The following CCDC171 variants were observed in gnomAD, a reference collection of about 807,000 sequenced individuals.
CCDC171 encodes the protein coiled-coil domain-containing protein 171.
In CCDC171, 177 loss-of-function variants were observed where a neutral mutation model predicts 168.2. That is an observed-to-expected ratio of 1.05 (90% CI 0.93 to 1.19). CCDC171 has a LOEUF of 1.19. Among genes scored for constraint, CCDC171 ranks in the 50% most tolerant of loss-of-function variants. The pLI, the probability that CCDC171 is intolerant of heterozygous loss-of-function variation, is 0.00. For synonymous variants in CCDC171, 687 were observed against 540.8 expected (o/e 1.27, Z -3.75); for missense variants, 1,991 against 1,539.0 (o/e 1.29, Z -4.91).
At chr9:16,019,103 T>C (rs567604609) in intron 3 of CCDC171, among the ~76,000 whole-genome samples, 2 of 152,330 alleles carry the variant, frequency 1.3e-5, no homozygotes, top group Admixed American at 6.5e-5. Context: ...AGTCCCTCTT[T>C]AAAGCCTTTG....
In CCDC171 at chr9:15,921,732, T is replaced by C. The variant is rs1825356599; in HGVS notation, c.3753+1310T>C. ...AATTTCTTAATGAGAGATTAGTAAATTTGACCTCCACCAAGAGAAATTAAA... is the reference window on the plus strand; with the variant it reads ...AATTTCTTAATGAGAGATTAGTAAACTTGACCTCCACCAAGAGAAATTAAA... On this transcript the variant is annotated intron_variant, in intron 25 of 25. Transcript: ENST00000380701. Among the ~76,000 whole-genome samples the C allele has an allele frequency of 2.0e-5, 3 of 151,628 alleles. No individual in the cohort carries two copies. In the South Asian group the frequency reaches 6.2e-4, roughly 31 times the overall value.
chr9:15,846,710 C>G lies in CCDC171; in HGVS notation c.3276C>G (p.Ser1092=). The G allele has an allele frequency of 6.2e-7, 1 of 1,612,642 alleles. No individual in the cohort carries two copies. The highest frequency in any genetic ancestry group is 8.5e-7 in the Non-Finnish European group (1 of 1,179,208). ...QTLGEAVKSL[S]EAKMELRRKD... is the part of the protein sequence containing the mutation. ...TTTCTGTCTGCTTGCAGAGTCTCTCCGAGGCAAAGATGGAGCTGAGAAGAA... is the reference window on the plus strand; with the variant it reads ...TTTCTGTCTGCTTGCAGAGTCTCTCGGAGGCAAAGATGGAGCTGAGAAGAA... Residue 1092 remains serine (S), a synonymous_variant, in exon 22 of 26, where the codon TCC becomes TCG. Coordinates refer to ENST00000380701, the MANE Select transcript of CCDC171 (RefSeq NM_173550.4).
intron 21 of CCDC171, among the ~76,000 whole-genome samples, chr9:15,834,054 T>C (rs1455836808): frequency 1.3e-5 from 2 of 152,146 alleles, no homozygotes; most frequent in Non-Finnish European, 2.9e-5. Flanking sequence ...ATGAAAATAC[T>C]TGTTGTTTCA....
intron 8 of CCDC171, among the ~76,000 whole-genome samples, chr9:15,663,585 CAT>C (rs1393729717): frequency 1.3e-5 from 2 of 149,222 alleles, no homozygotes; most frequent in Non-Finnish European, 3.0e-5. Flanking sequence ...TGGAGAACTA[CAT>C]AGAGAATTTT....
intron 7 of CCDC171, among the ~76,000 whole-genome samples, chr9:15,644,929 C>G (rs1190456580): frequency 6.6e-6 from 1 of 152,198 alleles, no homozygotes; most frequent in Admixed American, 6.5e-5. Context: ...GATCTGAGAA[C>G]AAACACACTA....
chr9:15,702,883 A>C lies in CCDC171; in HGVS notation c.1318+7546A>C, dbSNP rs539541287. ...CACCTCTCTCAGCCTTCATCAAATT[A>C]AAGAGAGTTAGGGCCTTGGTTTTTT... On this transcript the variant is annotated intron_variant, in intron 11 of 25. Transcript: ENST00000380701. 4.7e-5 allele frequency among the ~76,000 whole-genome samples: 7 copies of C among 149,308 alleles called. No homozygotes were observed. In the South Asian group the frequency reaches 1.5e-3, roughly 32 times the overall value.
chr9:16,100,373 A>T, the CCDC171 span, among the ~76,000 whole-genome samples: 1 of 152,280 alleles, frequency 6.6e-6, no homozygotes, highest in Admixed American at 6.5e-5. Flanking sequence ...TCAGGCAGCT[A>T]CCTCAGGCCT....
At chr9:15,839,522 A>G (rs550032228) in intron 21 of CCDC171, among the ~76,000 whole-genome samples, 2 of 152,292 alleles carry the variant, frequency 1.3e-5, no homozygotes, top group African/African-American at 2.4e-5. Flanking sequence ...TTTCTCGTGT[A>G]AAACAGGAAT....
intron 8 of CCDC171, among the ~76,000 whole-genome samples, chr9:15,662,272 G>A (rs1276332942): frequency 6.6e-6 from 1 of 151,978 alleles, no homozygotes; most frequent in Non-Finnish European, 1.5e-5. Flanking sequence ...GTGAGACTCT[G>A]TCCCCATCCC....
intron 3 of CCDC171, among the ~76,000 whole-genome samples, chr9:16,012,153 G>A (rs935851730): frequency 1.3e-5 from 2 of 152,170 alleles, no homozygotes; most frequent in Non-Finnish European, 2.9e-5. Flanking sequence ...TGCTGCCCAA[G>A]GAGGGTTCTT....
intron 7 of CCDC171, among the ~76,000 whole-genome samples, chr9:15,636,085 T>C (rs1312998995): frequency 6.6e-6 from 1 of 152,194 alleles, no homozygotes; most frequent in Non-Finnish European, 1.5e-5. Context: ...TTCATGTATC[T>C]TCTTTGGAGA....
At chr9:16,082,234 A>G in the CCDC171 span, among the ~76,000 whole-genome samples, 1 of 152,180 alleles carries the variant, frequency 6.6e-6, no homozygotes, top group Non-Finnish European at 1.5e-5. Context: ...GCTTTGTAAT[A>G]TGTCACATCT....
intron 10 of CCDC171, among the ~76,000 whole-genome samples, chr9:15,693,700 G>C (rs1245996954): frequency 6.6e-6 from 1 of 152,104 alleles, no homozygotes; most frequent in Non-Finnish European, 1.5e-5. Flanking sequence ...ATATTTTAAG[G>C]ATGTAAGTTT....
At chr9:16,052,291 C>T (rs776481906) in intron 1 of CCDC171, among the ~76,000 whole-genome samples, 11 of 152,142 alleles carry the variant, frequency 7.2e-5, no homozygotes, top group Non-Finnish European at 1.6e-4. Context: ...GTTTCTCCAG[C>T]ACGTCATCAT....
At chr9:15,720,788 C>A (rs899328043) in intron 11 of CCDC171, among the ~76,000 whole-genome samples, 1 of 152,100 alleles carries the variant, frequency 6.6e-6, no homozygotes, top group Non-Finnish European at 1.5e-5. Context: ...GTGCTGCACC[C>A]ATTAACTCGT....
chr9:15,815,279 G>A (rs1238385526), intron 21 of CCDC171, among the ~76,000 whole-genome samples: 1 of 152,054 alleles, frequency 6.6e-6, no homozygotes, highest in Non-Finnish European at 1.5e-5. Context: ...TCTCTCCCAT[G>A]TCTCATTTTT....
At chr9:15,897,524 C>A (rs1821071617) in intron 24 of CCDC171, among the ~76,000 whole-genome samples, 2 of 151,996 alleles carry the variant, frequency 1.3e-5, no homozygotes, top group South Asian at 4.1e-4. Context: ...AAGAAAATAT[C>A]ATTTGAAGTT....
chr9:15,935,087 T>TGATGGTGGC (rs1396959645), intron 25 of CCDC171, among the ~76,000 whole-genome samples: 3 of 152,110 alleles, frequency 2.0e-5, no homozygotes, highest in Admixed American at 1.3e-4. Flanking sequence ...TACATGGTGG[T>TGATGGTGGC]GATGGTGGCA....
chr9:15,751,456 C>T (rs1468008607), intron 18 of CCDC171, among the ~76,000 whole-genome samples: 9 of 152,086 alleles, frequency 5.9e-5, no homozygotes, highest in East Asian at 1.9e-4. Context: ...AAGAAGAGCC[C>T]GCATAGCCAA....
Sources: allele counts gnomAD v4.1 joint callset (sites outside exome capture counted in the v4.1 genomes callset), GRCh38; gene constraint gnomAD v4.1.1; transcripts MANE v1.5; gene names NCBI Gene and HGNC (gene_info 2026-07-23, HGNC 2026-07-21).